NPAS3: variants seen among roughly 807,000 people sequenced by gnomAD.
NPAS3 encodes the protein neuronal PAS domain protein 3.
A neutral mutation model predicts 73.1 loss-of-function variants in NPAS3; 14 were observed. The observed-to-expected ratio is 0.19, with a 90% confidence interval of 0.13 to 0.30. The LOEUF is 0.30. Ranked by LOEUF, NPAS3 falls within the 10% of genes least tolerant of loss-of-function variation. NPAS3 has a pLI of 1.00. For missense variants in NPAS3, 1,096 were observed against 1,250.0 expected, an observed-to-expected ratio of 0.88 and a Z score of 1.86; for synonymous variants, 620 against 541.5, an observed-to-expected ratio of 1.14 and a Z score of -2.01.
chr14:33,061,973 G>A (rs1014498408), intron 2 of NPAS3, among the ~76,000 whole-genome samples: 1 of 152,138 alleles, frequency 6.6e-6, no homozygotes, highest in Admixed American at 6.5e-5. Context: ...GGGCTAAAAG[G>A]CATTTCTGGT....
intron 3 of NPAS3, among the ~76,000 whole-genome samples, chr14:33,328,383 G>GT (rs1264827348): frequency 1.6e-5 from 2 of 128,496 alleles, no homozygotes; most frequent in African/African-American, 5.8e-5. Context: ...AATTTTATTT[G>GT]TTTTTCCTGT....
At chr14:33,718,199 C>T (rs566796531) in intron 6 of NPAS3, among the ~76,000 whole-genome samples, 4 of 152,082 alleles carry the variant, frequency 2.6e-5, no homozygotes, top group East Asian at 1.9e-4. Flanking sequence ...CCTTAATGTG[C>T]CTGGGTTCTT....
chr14:33,318,355 G>A (rs950985537), intron 3 of NPAS3, among the ~76,000 whole-genome samples: 8 of 152,064 alleles, frequency 5.3e-5, no homozygotes, highest in African/African-American at 1.7e-4. Flanking sequence ...CGAGGAATGG[G>A]GAATTGTCAT....
chr14:32,958,236 T>C (rs10141208), intron 1 of NPAS3, among the ~76,000 whole-genome samples: 42,607 of 152,022 alleles, frequency 0.28, 6,272 homozygotes, highest in African/African-American at 0.33. Flanking sequence ...AATAACTGAA[T>C]GCTTCCAGAA....
intron 3 of NPAS3, among the ~76,000 whole-genome samples, chr14:33,350,403 C>A (rs1487175571): frequency 6.6e-6 from 1 of 152,138 alleles, no homozygotes; most frequent in East Asian, 1.9e-4. Context: ...GCTTTTAGGC[C>A]GGCAGTGTGT....
chr14:33,039,662 C>A (rs544758352), intron 1 of NPAS3, among the ~76,000 whole-genome samples: 3 of 152,350 alleles, frequency 2.0e-5, no homozygotes, highest in African/African-American at 7.2e-5. Flanking sequence ...TGATTCTCAG[C>A]TTCTGTCTAA....
At chr14:33,394,988 T>C (rs1473962155) in intron 4 of NPAS3, among the ~76,000 whole-genome samples, 1 of 152,150 alleles carries the variant, frequency 6.6e-6, no homozygotes, top group Admixed American at 6.6e-5. Context: ...CAAAAACCAT[T>C]AGTAAATTCT....
chr14:33,445,349 C>T (rs189691299), intron 4 of NPAS3, among the ~76,000 whole-genome samples: 41 of 152,300 alleles, frequency 2.7e-4, no homozygotes, highest in Non-Finnish European at 5.0e-4. Flanking sequence ...TGTTATCATT[C>T]CGTCTTTGTG....
At chr14:32,955,116 A>T (rs1349396164) in intron 1 of NPAS3, among the ~76,000 whole-genome samples, 1 of 152,150 alleles carries the variant, frequency 6.6e-6, no homozygotes, top group African/African-American at 2.4e-5. Context: ...TGGTCAAAAG[A>T]ACCTGTGGCT....
chr14:33,802,717 C>A (rs1291097735), downstream of NPAS3: 1 of 152,360 alleles, frequency 6.6e-6, no homozygotes, highest in Admixed American at 6.5e-5. Context: ...TCCTGCAGTC[C>A]TAGTGAATCA....
intron 9 of NPAS3, among the ~76,000 whole-genome samples, chr14:33,791,279 C>T (rs376371403): frequency 2.4e-3 from 359 of 152,338 alleles, no homozygotes; most frequent in African/African-American, 8.1e-3. Flanking sequence ...GTGAGCCATT[C>T]CCTTCCCCTT....
At chr14:33,523,698 T>C (rs1466475649) in intron 4 of NPAS3, among the ~76,000 whole-genome samples, 1 of 148,964 alleles carries the variant, frequency 6.7e-6, no homozygotes, top group Admixed American at 6.7e-5. Flanking sequence ...GAGAATGGCT[T>C]GAACCCAAGT....
intron 9 of NPAS3, among the ~76,000 whole-genome samples, chr14:33,791,548 C>T (rs964690060): frequency 1.5e-4 from 23 of 152,294 alleles, no homozygotes; most frequent in African/African-American, 5.5e-4. Context: ...CTTTCAGCCC[C>T]CTTCGCTACA....
chr14:33,247,936 G>A (rs2048448678), intron 3 of NPAS3, among the ~76,000 whole-genome samples: 1 of 152,200 alleles, frequency 6.6e-6, no homozygotes, highest in Admixed American at 6.5e-5. Flanking sequence ...GGCAGTGTTT[G>A]CAGAATCCAG....
intron 6 of NPAS3, among the ~76,000 whole-genome samples, chr14:33,708,027 G>A (rs947668474): frequency 3.3e-4 from 50 of 152,264 alleles, no homozygotes; most frequent in African/African-American, 1.2e-3. Flanking sequence ...AGGGGCTGAT[G>A]GCCCTTACTT....
chr14:33,482,569 A>G (rs2051381354), intron 4 of NPAS3, among the ~76,000 whole-genome samples: 1 of 152,050 alleles, frequency 6.6e-6, no homozygotes, highest in South Asian at 2.1e-4. Flanking sequence ...GAAGCATAAT[A>G]CTCTAAAACC....
At chr14:33,191,885 T>G (rs2046183286) in intron 2 of NPAS3, among the ~76,000 whole-genome samples, 1 of 152,372 alleles carries the variant, frequency 6.6e-6, no homozygotes, top group South Asian at 2.1e-4. Flanking sequence ...TTCTCAAATT[T>G]ACCACAACAA....
intron 7 of NPAS3, among the ~76,000 whole-genome samples, chr14:33,754,202 T>C (rs2062046656): frequency 6.6e-6 from 1 of 152,106 alleles, no homozygotes. Context: ...TGCTGTCTAA[T>C]ATTAGAGGGC....
At chr14:33,137,490 C>T (rs2043882348) in intron 2 of NPAS3, among the ~76,000 whole-genome samples, 1 of 152,000 alleles carries the variant, frequency 6.6e-6, no homozygotes, top group South Asian at 2.1e-4. Context: ...TTTTAAAAGG[C>T]CATTATAATT....
Sources: allele counts gnomAD v4.1 joint callset (sites outside exome capture counted in the v4.1 genomes callset), GRCh38; gene constraint gnomAD v4.1.1; transcripts MANE v1.5; gene names NCBI Gene and HGNC (gene_info 2026-07-23, HGNC 2026-07-21).